Variants in C5orf34 observed in about 807,000 individuals in gnomAD.
C5orf34 encodes chromosome 5 open reading frame 34, also known as uncharacterized protein C5orf34.
C5orf34 carries 73 observed loss-of-function variants against 78.4 expected under a neutral mutation model. The observed-to-expected ratio is 0.93, with a 90% CI of 0.77 to 1.13. The LOEUF is 1.13. Among genes scored for constraint, C5orf34 ranks in the 50% most tolerant of loss-of-function variants. C5orf34 has a pLI of 0.00. For missense variants in C5orf34, 730 were observed against 732.7 expected (o/e 1.00, Z 0.04); for synonymous variants, 251 against 246.6 (o/e 1.02, Z -0.17).
intron 10 of C5orf34, among the ~76,000 whole-genome samples, chr5:43,491,427 C>A (rs781632374): frequency 2.0e-5 from 3 of 152,046 alleles, no homozygotes; most frequent in Non-Finnish European, 2.9e-5. Flanking sequence ...AATGTGAAGA[C>A]TATCACAAGA....
At chr5:43,503,322 G>A (rs1052497647) in intron 5 of C5orf34, among the ~76,000 whole-genome samples, 4 of 152,220 alleles carry the variant, frequency 2.6e-5, no homozygotes, top group Non-Finnish European at 4.4e-5. Flanking sequence ...AAGCAATTCT[G>A]TTTTGACTAT....
At chr5:43,489,819 T>C (rs1370401755) in intron 11 of C5orf34, among the ~76,000 whole-genome samples, 4 of 152,126 alleles carry the variant, frequency 2.6e-5, no homozygotes, top group Non-Finnish European at 4.4e-5. Flanking sequence ...AAAACTTACT[T>C]AAAAAGCTTC....
At chr5:43,488,873 C>G (rs956226918) in intron 11 of C5orf34, among the ~76,000 whole-genome samples, 31 of 152,074 alleles carry the variant, frequency 2.0e-4, no homozygotes, top group Non-Finnish European at 4.6e-4. Context: ...ATTCAAGTCA[C>G]CAGAAAAATC....
In C5orf34 at chr5:43,512,552, A is replaced by G. The variant is rs370426173; in HGVS notation, c.-37+2254T>C. 3.3e-5 allele frequency among the ~76,000 whole-genome samples: 5 copies of G among 152,290 alleles called. No individual in the cohort carries two copies. The East Asian group carries it at 7.7e-4, about 24-fold the overall frequency. On this transcript the variant is annotated intron_variant, in intron 1 of 12. Coordinates refer to ENST00000306862, the MANE Select transcript of C5orf34 (RefSeq NM_198566.4). ...TCATCAACGTGTAACAGCATTGTCT[A>G]CATTCCCTTGCACCAAACTCTCTTT...
intron 8 of C5orf34, 30 bp downstream of exon 8, chr5:43,493,513 T>G: frequency 7.8e-7 from 1 of 1,278,374 alleles, no homozygotes; most frequent in South Asian, 1.3e-5. Flanking sequence ...AATTTAAAAA[T>G]ATCTTGCTTT....
chr5:43,488,819 T>C (rs1010789549), intron 11 of C5orf34, among the ~76,000 whole-genome samples: 1 of 152,140 alleles, frequency 6.6e-6, no homozygotes, highest in Non-Finnish European at 1.5e-5. Context: ...AAACTGTAAC[T>C]TGACTAGCTC....
chr5:43,502,265 T>C, intron 6 of C5orf34, 107 bp downstream of exon 6: 1 of 1,066,244 alleles, frequency 9.4e-7, no homozygotes, highest in Non-Finnish European at 1.4e-6. Context: ...GACTGGGGAG[T>C]AGGAAGCAAT....
At chr5:43,504,882 C>A (rs961380857) in intron 4 of C5orf34, among the ~76,000 whole-genome samples, 2 of 152,206 alleles carry the variant, frequency 1.3e-5, no homozygotes, top group Non-Finnish European at 2.9e-5. Flanking sequence ...CATGACAAGC[C>A]TAACAGTCAT....
intron 11 of C5orf34, 77 bp from the exon 12 acceptor site, chr5:43,488,026 G>T: frequency 1.7e-6 from 2 of 1,148,324 alleles, no homozygotes; most frequent in South Asian, 1.4e-5. Flanking sequence ...AAGCATACCT[G>T]ACTTTTTTTT....
At chr5:43,487,836 A>C in intron 12 of C5orf34, 73 bp downstream of exon 12, 1 of 1,112,504 alleles carries the variant, frequency 9.0e-7, no homozygotes, top group East Asian at 2.4e-5. Flanking sequence ...TTCACAAAGT[A>C]CTGAAGTCAT....
At chr5:43,508,521 G>T in intron 3 of C5orf34, 56 bp downstream of exon 3, 2 of 1,020,438 alleles carry the variant, frequency 2.0e-6, no homozygotes, top group Non-Finnish European at 3.0e-6. Context: ...TAAATTACCT[G>T]TTTCTAGTTA....
chr5:43,510,635 G>T (rs533634505), intron 1 of C5orf34, among the ~76,000 whole-genome samples: 1 of 152,368 alleles, frequency 6.6e-6, no homozygotes, highest in Non-Finnish European at 1.5e-5. Context: ...TGGAGACGGG[G>T]TTTCGCTGTG....
chr5:43,504,098 G>C lies in C5orf34; in HGVS notation c.933-338C>G, dbSNP rs185835519. 3.8e-4 allele frequency among the ~76,000 whole-genome samples: 58 copies of C among 152,192 alleles called. 1 individual carries two copies. Among genetic ancestry groups the C allele is most frequent in the Admixed American group, 3.5e-3 (54 of 15,292 alleles). ...GAGGCCAAGGCGGGCGGATCACGAG[G>C]TCAGGAGTTTGAGATCAGCCTGACC... On this transcript the variant is annotated intron_variant, in intron 4 of 12. Coordinates refer to ENST00000306862, the MANE Select transcript of C5orf34 (RefSeq NM_198566.4).
At chr5:43,491,660 A>G (rs186842348) in intron 10 of C5orf34, among the ~76,000 whole-genome samples, 1 of 152,376 alleles carries the variant, frequency 6.6e-6, no homozygotes, top group Admixed American at 6.5e-5. Context: ...CAGTATGTCT[A>G]TAACACATTT....
chr5:43,495,036 T>G, intron 6 of C5orf34: 2 of 1,418,822 alleles, frequency 1.4e-6, no homozygotes, highest in Non-Finnish European at 2.0e-6. Context: ...CTTCCACCAC[T>G]GATTAAGAGT....
At chr5:43,495,123 C>T (rs530669962) in intron 6 of C5orf34, 2 of 1,591,882 alleles carry the variant, frequency 1.3e-6, no homozygotes, top group African/African-American at 2.7e-5. Flanking sequence ...TTGCCACCTC[C>T]AGCAGCCTTC....
At chr5:43,507,623 G>A (rs35377479) in intron 3 of C5orf34, among the ~76,000 whole-genome samples, 6 of 152,090 alleles carry the variant, frequency 3.9e-5, no homozygotes, top group East Asian at 1.9e-4. Flanking sequence ...TTACTCAGCC[G>A]GCAGGCAAGC....
rs1745249071 is a variant in C5orf34 at position 43,490,741 on chromosome 5, A to G, written c.1581-12T>C. ...CTGTTGTCACATATCTAAAGTGAATACATTAAAAGAAATACTTGAAAAATG... is the reference window on the plus strand; with the variant it reads ...CTGTTGTCACATATCTAAAGTGAATGCATTAAAAGAAATACTTGAAAAATG... On this transcript the variant is annotated splice_polypyrimidine_tract_variant and intron_variant, in intron 10 of 12. Coordinates refer to ENST00000306862, the MANE Select transcript of C5orf34 (RefSeq NM_198566.4). The G allele has an allele frequency of 7.4e-7, 1 of 1,353,164 alleles. No individual in the cohort carries two copies. The highest frequency in any genetic ancestry group is 1.0e-6 in the Non-Finnish European group (1 of 957,888). The allele number at this position is 1,353,164 out of a possible 1,614,324, so 83.8% of individuals were successfully genotyped here.
intron 3 of C5orf34, among the ~76,000 whole-genome samples, chr5:43,507,495 C>G (rs1429697637): frequency 1.3e-5 from 2 of 152,186 alleles, no homozygotes; most frequent in Non-Finnish European, 2.9e-5. Context: ...GCATCAGCAA[C>G]AAGCTAGGCA....
Sources: allele counts gnomAD v4.1 joint callset (sites outside exome capture counted in the v4.1 genomes callset), GRCh38; gene constraint gnomAD v4.1.1; transcripts MANE v1.5; gene names NCBI Gene and HGNC (gene_info 2026-07-23, HGNC 2026-07-21).